DDX60: variants seen among roughly 807,000 people sequenced by gnomAD.
DDX60 encodes DExD/H-box helicase 60.
A neutral mutation model predicts 212.8 loss-of-function variants in DDX60; 165 were observed. The ratio of observed to expected loss-of-function variants is 0.78; its 90% CI spans 0.68 to 0.88. DDX60 has a LOEUF of 0.88. Ranked by LOEUF, DDX60 falls within the 40% of genes least tolerant of loss-of-function variation. The probability of loss-of-function intolerance (pLI) is 0.00; values close to 1 mark genes in which losing one functional copy is unlikely to be tolerated. For missense variants in DDX60, 1,905 were observed against 2,003.9 expected, an observed-to-expected ratio of 0.95 and a Z score of 0.94; for synonymous variants, 703 against 685.3, an observed-to-expected ratio of 1.03 and a Z score of -0.40.
Position 168,224,404 on chromosome 4 carries a change from G to A in DDX60, c.4682-19C>T, listed in dbSNP as rs1259056587. 48 of 1,608,926 alleles carry A rather than the reference G, an allele frequency of 3.0e-5. No individual in the cohort carries two copies. Among genetic ancestry groups the A allele is most frequent in the Non-Finnish European group, 4.0e-5 (47 of 1,176,538 alleles). On this transcript the variant is annotated intron_variant, in intron 34 of 37. Coordinates refer to ENST00000393743, the MANE Select transcript of DDX60 (RefSeq NM_017631.6). The stretch of plus-strand genomic sequence containing the variant: ...GTGAATTCTGACAATAATAGTTAGG[G>A]ATAGATTAGTGTTTTGAACTCAGTC...
In DDX60 at chr4:168,301,336, A is replaced by AT. The variant is rs1422908129; in HGVS notation, c.723+963dup. 7.8e-3 allele frequency among the ~76,000 whole-genome samples: 1,192 copies of AT among 152,222 alleles called. 46 individuals carry two copies. The East Asian group carries it at 0.12, about 15-fold the overall frequency. On this transcript the variant is annotated intron_variant, in intron 6 of 37. Transcript: ENST00000393743. ...AAAGTTTTCAGATCTGAACTTCTAA[A>AT]TGCCTTCTTCCTTGGCAAAGTAGTT...
chr4:168,218,901 C>T (rs1341533497), intron 37 of DDX60, among the ~76,000 whole-genome samples: 1 of 152,168 alleles, frequency 6.6e-6, no homozygotes, highest in East Asian at 1.9e-4. Context: ...TATCTGCCAT[C>T]ATAGCTCTGA....
chr4:168,216,753 C>T lies in DDX60; in HGVS notation c.*180G>A, dbSNP rs1732860060. ...CTAAATAATTTGTGAGTATTCATGA[C>T]AGAACATGGCAGGTTTGATTGCAAC... On this transcript the variant is annotated 3_prime_UTR_variant, in exon 38 of 38. Coordinates refer to ENST00000393743, the MANE Select transcript of DDX60 (RefSeq NM_017631.6). 1 of 484,744 alleles carries T rather than the reference C, an allele frequency of 2.1e-6. No homozygotes were observed. Among genetic ancestry groups the T allele is most frequent in the East Asian group, 3.7e-5 (1 of 27,242 alleles). 30.0% of individuals were successfully genotyped at this position (484,744 alleles called of 1,614,324 possible).
chr4:168,297,373 AG>A (rs1736437342), intron 6 of DDX60, among the ~76,000 whole-genome samples: 2 of 56,306 alleles, frequency 3.6e-5, no homozygotes, highest in African/African-American at 1.2e-4. Flanking sequence ...AAAGAAAGAA[AG>A]AAAGAAAGAG....
chr4:168,283,414 T>A, intron 13 of DDX60, 32 bp downstream of exon 13: 1 of 1,597,938 alleles, frequency 6.3e-7, no homozygotes, highest in Admixed American at 1.8e-5. Flanking sequence ...AAAGGAAAAT[T>A]TTTTTAATTG....
intron 22 of DDX60, among the ~76,000 whole-genome samples, chr4:168,263,088 G>A (rs1734691474): frequency 6.6e-6 from 1 of 152,306 alleles, no homozygotes; most frequent in East Asian, 1.9e-4. Context: ...TGAAAGATTT[G>A]TGGACTCAGT....
At position 168,288,313 on chromosome 4, in the gene DDX60, T is replaced by G. The variant is rs2149532389; in HGVS notation, c.1044A>C (p.Lys348Asn). 1 of 1,459,738 alleles carries G rather than the reference T, an allele frequency of 6.9e-7. No individual in the cohort carries two copies. The highest frequency in any genetic ancestry group is 1.3e-5 in the South Asian group (1 of 79,880). The allele number at this position is 1,459,738 out of a possible 1,614,324, so 90.4% of individuals were successfully genotyped here. A position where few individuals can be genotyped will look rare whatever the true frequency, so the allele number is the denominator to read the frequency against. Residue 348 changes from lysine (K) to asparagine (N), a missense_variant and splice_region_variant, in exon 9 of 38, where the codon AAA (lysine) becomes AAC (asparagine). Physicochemically the swap from Lys to Asn is moderately conservative, Grantham distance 94. Coordinates refer to ENST00000393743, the MANE Select transcript of DDX60 (RefSeq NM_017631.6). ...AEDMKPLLQM[K>N]KWCEYFILRN... ...TTAAGATGAAATATTCACACCACTT[T>G]TTCTGAAAATTGAAAAGAAAACCAA...
chr4:168,217,072 G>A, intron 37 of DDX60, 40 bp from the exon 38 acceptor site: 2 of 1,314,550 alleles, frequency 1.5e-6, no homozygotes, highest in Admixed American at 4.2e-5. Context: ...ACTTTAGTGA[G>A]ATTGAATATT....
In DDX60 at chr4:168,278,000, T is replaced by C. The variant is rs188650990; in HGVS notation, c.1979-1819A>G. ...CACCACCTTCCCATTAGTTACTTAG[T>C]AGCCACCTTGATGATCAGATTGACT... On this transcript the variant is annotated intron_variant, in intron 14 of 37. Transcript: ENST00000393743. 2.6e-5 allele frequency among the ~76,000 whole-genome samples: 4 copies of C among 152,220 alleles called. 1 individual carries two copies. The highest frequency in any genetic ancestry group is 3.9e-4 in the East Asian group (2 of 5,180).
rs774878039 is a variant in DDX60, at chr4:168,273,963, C to G, written c.2425G>C (p.Gly809Arg). The change falls in exon 17 of 38, where the codon GGG becomes CGG. Residue 809 changes from glycine to arginine, a missense_variant. Coordinates refer to ENST00000393743, the MANE Select transcript of DDX60 (RefSeq NM_017631.6). ...MEKVLKESDD[G>R]VVVYVAPTKA... ...GTGGGTGCAACGTACACGACCACCC[C>G]GTCGTCGCTCTCCTTCAGCACTTTC... 1.2e-6 allele frequency: 2 copies of G among 1,614,114 alleles called. No homozygotes were observed. Among genetic ancestry groups the G allele is most frequent in the Non-Finnish European group, 1.7e-6 (2 of 1,179,974 alleles).
Position 168,274,002 on chromosome 4 carries a change from A to G in DDX60, c.2386T>C (p.Tyr796His). 1 of 1,614,178 alleles carries G rather than the reference A, an allele frequency of 6.2e-7. No individual in the cohort carries two copies. Among genetic ancestry groups the G allele is most frequent in the African/African-American group, 1.3e-5 (1 of 75,076 alleles). ...TTCAGCACTTTCTCCATACAGTAGT[A>G]GGAGGCATAGGTTTTGCCTGAGGAC... ...PTSSGKTYAS[Y>H]YCMEKVLKES... is the part of the protein sequence containing the mutation. The change falls in exon 17 of 38, where the codon TAC becomes CAC. Residue 796 changes from tyrosine (Y) to histidine (H), a missense_variant. Coordinates refer to ENST00000393743, the MANE Select transcript of DDX60 (RefSeq NM_017631.6).
chr4:168,300,157 C>CCCTATAG (rs1553972187), intron 6 of DDX60, among the ~76,000 whole-genome samples: 2 of 151,900 alleles, frequency 1.3e-5, no homozygotes. Context: ...ATCATTAATA[C>CCCTATAG]AATACTAATA....
chr4:168,265,160 G>A (rs370415049), intron 22 of DDX60, among the ~76,000 whole-genome samples: 10 of 152,130 alleles, frequency 6.6e-5, no homozygotes, highest in East Asian at 3.8e-4. Context: ...GATTGAAGGC[G>A]ATCCCTCACC....
chr4:168,316,029 T>A (rs1435679800), intron 1 of DDX60, among the ~76,000 whole-genome samples: 1 of 152,120 alleles, frequency 6.6e-6, no homozygotes, highest in African/African-American at 2.4e-5. Context: ...CAACTATATA[T>A]CTTAAATGAT....
At chr4:168,263,650 T>A (rs1734716973) in intron 22 of DDX60, 1 of 151,984 alleles carries the variant, frequency 6.6e-6, no homozygotes, top group Non-Finnish European at 1.5e-5. Flanking sequence ...ACCACAGAGA[T>A]CTCCCCTGTC....
intron 22 of DDX60, 101 bp from the exon 23 acceptor site, chr4:168,262,888 A>G (rs893088724): frequency 3.7e-5 from 25 of 682,726 alleles, no homozygotes; most frequent in Non-Finnish European, 5.5e-5. Flanking sequence ...GAAAGGCAAT[A>G]AACTAAAATG....
upstream of DDX60, among the ~76,000 whole-genome samples, chr4:168,320,641 A>C (rs1164417875): frequency 1.3e-5 from 2 of 152,158 alleles, no homozygotes; most frequent in Non-Finnish European, 2.9e-5. Context: ...AATATTGCAA[A>C]CTGTATTGTA....
Position 168,273,993 on chromosome 4 carries a change from T to C in DDX60, c.2395A>G (p.Met799Val), listed in dbSNP as rs1339723436. The C allele has an allele frequency of 9.9e-6, 16 of 1,614,198 alleles. No homozygotes were observed. Among genetic ancestry groups the C allele is most frequent in the Admixed American group, 1.7e-5 (1 of 60,020 alleles). Residue 799 changes from methionine (M) to valine (V), a missense_variant, in exon 17 of 38, where the codon ATG becomes GTG. Physicochemically the swap from Met to Val is conservative, Grantham distance 21. Coordinates refer to ENST00000393743, the MANE Select transcript of DDX60 (RefSeq NM_017631.6). ...SGKTYASYYCMEKVLKESDDG... is the reference protein window; with the variant it reads ...SGKTYASYYCVEKVLKESDDG... ...TCGCTCTCCTTCAGCACTTTCTCCA[T>C]ACAGTAGTAGGAGGCATAGGTTTTG...
intron 6 of DDX60, among the ~76,000 whole-genome samples, chr4:168,301,516 C>G (rs1736646895): frequency 6.6e-6 from 1 of 151,824 alleles, no homozygotes; most frequent in Non-Finnish European, 1.5e-5. Flanking sequence ...ATTTTGAGCT[C>G]CAAGATAATT....
Sources: allele counts gnomAD v4.1 joint callset (sites outside exome capture counted in the v4.1 genomes callset), GRCh38; gene constraint gnomAD v4.1.1; transcripts MANE v1.5; gene names NCBI Gene and HGNC (gene_info 2026-07-23, HGNC 2026-07-21).